MX2: variants seen among roughly 807,000 people sequenced by gnomAD.
MX2 encodes interferon-induced GTP-binding protein Mx2.
In MX2, 51 loss-of-function variants were observed where a neutral mutation model predicts 74.0. That is an observed-to-expected ratio of 0.69 (90% CI 0.55 to 0.87). MX2 has a LOEUF of 0.87. MX2 is among the 40% of genes least tolerant of loss of function. MX2 has a pLI of 0.00. For missense variants in MX2, 832 were observed against 908.7 expected (o/e 0.92, Z 1.09); for synonymous variants, 369 against 339.3 (o/e 1.09, Z -0.96).
At chr21:41,362,665 C>A (rs1428826704) in intron 1 of MX2, among the ~76,000 whole-genome samples, 6 of 151,750 alleles carry the variant, frequency 4.0e-5, no homozygotes, top group African/African-American at 1.5e-4. Flanking sequence ...CCTGGATCGC[C>A]TGCACTCTGG....
intron 13 of MX2, 39 bp from the exon 14 acceptor site, chr21:41,407,952 G>A: frequency 6.2e-7 from 1 of 1,611,908 alleles, no homozygotes. Context: ...GCCTTGGGCT[G>A]AGACCACTCC....
intron 7 of MX2, among the ~76,000 whole-genome samples, chr21:41,396,513 G>T (rs752337267): frequency 9.2e-5 from 14 of 152,156 alleles, no homozygotes; most frequent in Non-Finnish European, 1.5e-4. Flanking sequence ...TAGGTCTACG[G>T]CTTGCTGACT....
chr21:41,406,063 A>G (rs1175922651), intron 12 of MX2, among the ~76,000 whole-genome samples: 1 of 151,704 alleles, frequency 6.6e-6, no homozygotes, highest in Non-Finnish European at 1.5e-5. Flanking sequence ...ATGATAGCTC[A>G]CTGCAACCTC....
Position 41,392,826 on chromosome 21 carries a change from C to T in MX2, c.871+2123C>T, listed in dbSNP as rs562616689. On this transcript the variant is annotated intron_variant, in intron 6 of 13. Transcript: ENST00000330714. Reference sequence around the variant, plus strand: ...ATTCTTTTAAAAAGGAAATTGAGGCCGGGCATGTTGACTCATGCCTGCAAT... The same window carrying T: ...ATTCTTTTAAAAAGGAAATTGAGGCTGGGCATGTTGACTCATGCCTGCAAT... Among the ~76,000 whole-genome samples the T allele has an allele frequency of 2.6e-5, 4 of 152,082 alleles. No individual in the cohort carries two copies. In the East Asian group the frequency reaches 7.7e-4, roughly 29 times the overall value.
chr21:41,382,418 G>A lies in MX2; in HGVS notation c.586G>A (p.Val196Ile), dbSNP rs553558380. Reference protein sequence around the residue: ...VEKEIHKAQNVMAGNGRGISH... With the variant: ...VEKEIHKAQNIMAGNGRGISH... ...CCTCCTGGCCTCCATAGCCCAGAAC[G>A]TCATGGCCGGGAATGGCCGGGGCAT... Residue 196 changes from valine (V) to isoleucine (I), a missense_variant, in exon 5 of 14, where the codon GTC becomes ATC. Transcript: ENST00000330714. The A allele has an allele frequency of 1.2e-5, 20 of 1,614,046 alleles. No individual in the cohort carries two copies. The highest frequency in any genetic ancestry group is 5.0e-5 in the Admixed American group (3 of 60,026).
chr21:41,393,127 A>AAAAAAAAAAAAAAG, intron 6 of MX2, among the ~76,000 whole-genome samples: 1 of 141,968 alleles, frequency 7.0e-6, no homozygotes. Flanking sequence ...AAAAAAAAAA[A>AAAAAAAAAAAAAAG]AAAAGAAAGA....
At chr21:41,385,481 C>T (rs1321338276) in intron 5 of MX2, among the ~76,000 whole-genome samples, 1 of 152,246 alleles carries the variant, frequency 6.6e-6, no homozygotes, top group African/African-American at 2.4e-5. Context: ...CACACGCTCT[C>T]TTGACTGCTG....
intron 12 of MX2, among the ~76,000 whole-genome samples, chr21:41,406,083 G>T (rs1044668254): frequency 2.0e-5 from 3 of 152,138 alleles, no homozygotes; most frequent in Admixed American, 6.5e-5. Flanking sequence ...CTGCCTCCCA[G>T]GTTCAAGCCA....
intron 10 of MX2, 34 bp downstream of exon 10, chr21:41,399,371 G>A (rs1470190898): frequency 6.2e-7 from 1 of 1,606,810 alleles, no homozygotes; most frequent in East Asian, 2.2e-5. Flanking sequence ...GCAAAACAGG[G>A]TGGTATTTAC....
At position 41,406,824 on chromosome 21, in the gene MX2, G is replaced by A; in HGVS notation, c.1731G>A (p.Met577Ile). The change falls in exon 13 of 14, where the codon ATG becomes ATA. Residue 577 changes from methionine to isoleucine, a missense_variant. Met to Ile is a conservative substitution (Grantham distance 10). Coordinates refer to ENST00000330714, the MANE Select transcript of MX2 (RefSeq NM_002463.2). ...AACTTCAGTTCAGAATGGAGCAGAT[G>A]GTTTTTTGTCAAGATCAGATTTACA... is the stretch of plus-strand genomic sequence containing the variant. ...MIQLQFRMEQMVFCQDQIYSV... is the reference protein window; with the variant it reads ...MIQLQFRMEQIVFCQDQIYSV... The A allele has an allele frequency of 6.2e-7, 1 of 1,614,238 alleles. No individual in the cohort carries two copies. Among genetic ancestry groups the A allele is most frequent in the Non-Finnish European group, 8.5e-7 (1 of 1,180,052 alleles).
chr21:41,373,216 A>G (rs765926845), intron 1 of MX2, among the ~76,000 whole-genome samples: 1 of 152,228 alleles, frequency 6.6e-6, no homozygotes, highest in Non-Finnish European at 1.5e-5. Context: ...TACAGAGTGG[A>G]TGAAGACTCA....
At chr21:41,362,476 C>T (rs1339653168) in intron 1 of MX2, among the ~76,000 whole-genome samples, 3 of 152,106 alleles carry the variant, frequency 2.0e-5, no homozygotes, top group Non-Finnish European at 2.9e-5. Context: ...GATGCTCTGA[C>T]GTAACCTTAG....
Position 41,364,692 on chromosome 21 carries a change from T to A in MX2, c.-72+2637T>A, listed in dbSNP as rs555529905. On this transcript the variant is annotated intron_variant, in intron 1 of 13. Coordinates refer to ENST00000330714, the MANE Select transcript of MX2 (RefSeq NM_002463.2). ...GTTTACTAAGTATGAATTTACAGGA[T>A]CACAAGGTCCACAATAAGCAATCTG... The A allele has an allele frequency of 8.5e-5, 13 of 152,196 alleles. No individual in the cohort carries two copies. The East Asian group carries it at 2.5e-3, about 29-fold the overall frequency. The allele number at this position is 152,196 out of a possible 1,614,324, so 9.4% of individuals were successfully genotyped here.
rs1346630453 is a variant in MX2, at chr21:41,409,309, G to A, written c.*1076G>A. On this transcript the variant is annotated 3_prime_UTR_variant, in exon 14 of 14. Transcript: ENST00000330714. ...TTCACACCAGTGATCATCATTATGGGTAATTTTCTTTTCTTCTTCATGTTT... is the reference window on the plus strand; with the variant it reads ...TTCACACCAGTGATCATCATTATGGATAATTTTCTTTTCTTCTTCATGTTT... The A allele has an allele frequency of 6.6e-6, 1 of 152,080 alleles. No homozygotes were observed. The highest frequency in any genetic ancestry group is 6.5e-5 in the Admixed American group (1 of 15,270). 9.4% of individuals were successfully genotyped at this position (152,080 alleles called of 1,614,324 possible). A position where few individuals can be genotyped will look rare whatever the true frequency, so the allele number is the denominator to read the frequency against.
chr21:41,399,831 G>C (rs1173157002), intron 10 of MX2: 2 of 154,978 alleles, frequency 1.3e-5, no homozygotes, highest in Non-Finnish European at 2.9e-5. Context: ...GCCTCCCAAA[G>C]TGCTGGGATT....
At chr21:41,391,249 G>GA (rs531456883) in intron 6 of MX2, among the ~76,000 whole-genome samples, 1 of 150,266 alleles carries the variant, frequency 6.7e-6, no homozygotes, top group South Asian at 2.2e-4. Flanking sequence ...AGAAAGGAAA[G>GA]AAAAAAAGTT....
rs756718599 is a variant in MX2 at position 41,376,881 on chromosome 21, C to A, written c.-26C>A. ...GGTGCCAAGTAGCAGAGAAAGCATC[C>A]CCCAGCTCTGACAGGGAGACAGCAC... On this transcript the variant is annotated 5_prime_UTR_variant, in exon 2 of 14. Transcript: ENST00000330714. The A allele has an allele frequency of 3.1e-6, 5 of 1,610,678 alleles. No homozygotes were observed. The African/African-American group carries it at 5.3e-5, about 17-fold the overall frequency.
chr21:41,376,670 C>A (rs1056019127), intron 1 of MX2, among the ~76,000 whole-genome samples, 166 bp from the exon 2 acceptor site: 2 of 152,182 alleles, frequency 1.3e-5, no homozygotes, highest in African/African-American at 4.8e-5. Flanking sequence ...TCTGTGGCTG[C>A]CAAGAGCCCC....
intron 1 of MX2, chr21:41,364,810 A>G (rs1466225636): frequency 6.6e-6 from 1 of 152,182 alleles, no homozygotes; most frequent in Non-Finnish European, 1.5e-5. Context: ...AGCACAGGAG[A>G]AAGCTGTAGG....
Sources: gnomAD v4.1 joint callset for allele counts (sites outside exome capture counted in the v4.1 genomes callset) on GRCh38, gnomAD v4.1.1 for gene constraint, MANE v1.5 for transcripts, NCBI Gene and HGNC (gene_info 2026-07-23, HGNC 2026-07-21) for gene names.